SLCO1A2: variants seen among roughly 807,000 people sequenced by gnomAD.
SLCO1A2 encodes OATP-1.
Under a neutral mutation model 69.0 loss-of-function variants are expected in SLCO1A2, and 67 were observed. That is an observed-to-expected ratio of 0.97 (90% CI 0.80 to 1.19). SLCO1A2 has a LOEUF of 1.19. Among genes scored for constraint, SLCO1A2 ranks in the 50% most tolerant of loss-of-function variants. The pLI, the probability that SLCO1A2 is intolerant of heterozygous loss-of-function variation, is 0.00. For synonymous variants in SLCO1A2, 260 were observed against 265.9 expected (o/e 0.98, Z 0.22); for missense variants, 787 against 793.7 (o/e 0.99, Z 0.10).
At chr12:21,400,698 TA>T (rs1235551619) in intron 1 of SLCO1A2, among the ~76,000 whole-genome samples, 7 of 147,614 alleles carry the variant, frequency 4.7e-5, no homozygotes, top group African/African-American at 1.7e-4. Context: ...TATGCAGCCA[TA>T]AAAAATGATG....
At chr12:21,414,423 TGA>T (rs1272125303) in intron 1 of SLCO1A2, among the ~76,000 whole-genome samples, 2 of 152,146 alleles carry the variant, frequency 1.3e-5, no homozygotes, top group Non-Finnish European at 2.9e-5. Flanking sequence ...CCTTAACCTG[TGA>T]GTTATTTACT....
chr12:21,295,381 A>C, intron 10 of SLCO1A2: 1 of 479,334 alleles, frequency 2.1e-6, no homozygotes. Flanking sequence ...TACAATCATA[A>C]ATTCACTCAC....
In SLCO1A2 at chr12:21,413,237, C is replaced by CTTTTTTTTTTTTTTTT. The variant is rs3983534; in HGVS notation, c.-312+4629_-312+4644dup. On this transcript the variant is annotated intron_variant, in intron 1 of 4. Transcript: ENST00000413682. The stretch of plus-strand genomic sequence containing the variant: ...ACTTTCTTCTTTTCTTTTTCTTTTT[C>CTTTTTTTTTTTTTTTT]TTTTTTTTTTTTTTTTTTTGAGAAG... Among the ~76,000 whole-genome samples, 367 of 99,410 alleles carry CTTTTTTTTTTTTTTTT rather than the reference C, an allele frequency of 3.7e-3. 6 individuals carry two copies. The highest frequency in any genetic ancestry group is 8.5e-3 in the Middle Eastern group (1 of 118). The allele number at this position is 99,410 out of a possible 152,430, so 65.2% of individuals were successfully genotyped here.
upstream of SLCO1A2, among the ~76,000 whole-genome samples, chr12:21,399,964 T>G (rs371971865): frequency 5.4e-3 from 824 of 151,916 alleles, 5 homozygotes; most frequent in African/African-American, 0.019. Context: ...ACATAGGCAT[T>G]GGCAAGGACT....
chr12:21,417,165 T>C (rs572839358), intron 1 of SLCO1A2, among the ~76,000 whole-genome samples: 2 of 151,434 alleles, frequency 1.3e-5, no homozygotes, highest in South Asian at 2.1e-4. Context: ...CAAAGAAAAC[T>C]AAGCAAAGAA....
At chr12:21,408,713 CGT>C (rs3060712) in intron 1 of SLCO1A2, among the ~76,000 whole-genome samples, 5,559 of 150,032 alleles carry the variant, frequency 0.037, 182 homozygotes, top group East Asian at 0.12. Context: ...TCAGCGCATG[CGT>C]GTGTGTGTGT....
rs766468429 is a variant in SLCO1A2 at position 21,304,480 on chromosome 12, C to A, written c.536G>T (p.Gly179Val). ...GMGETPILPL[G>V]ISYIEDFAKF... ...GGCAAAATCTTCTATATAGGAAATA[C>A]CCAAAGGCAGGATGGGAGTTTCACC... Residue 179 changes from glycine (G) to valine (V), a missense_variant, in exon 6 of 15, where the codon GGT (glycine) becomes GTT (valine). By Grantham distance (109) the Gly-to-Val change is moderately radical. Coordinates refer to ENST00000683939, the MANE Select transcript of SLCO1A2 (RefSeq NM_001386879.1). 10 of 1,612,796 alleles carry A rather than the reference C, an allele frequency of 6.2e-6. No homozygotes were observed. In the South Asian group the frequency reaches 9.9e-5, roughly 16 times the overall value.
chr12:21,313,387 T>C (rs1052555489), intron 4 of SLCO1A2, among the ~76,000 whole-genome samples: 3 of 152,120 alleles, frequency 2.0e-5, no homozygotes, highest in Non-Finnish European at 2.9e-5. Flanking sequence ...TATGCCAGGA[T>C]TCAAAACTAA....
chr12:21,313,993 AAC>A (rs1491548155), intron 4 of SLCO1A2, among the ~76,000 whole-genome samples: 1 of 151,136 alleles, frequency 6.6e-6, no homozygotes, highest in African/African-American at 2.4e-5. Context: ...AAAAAAAAAA[AAC>A]AGAAAAAAAA....
chr12:21,309,793 G>A (rs1949878788), intron 4 of SLCO1A2, among the ~76,000 whole-genome samples: 1 of 152,126 alleles, frequency 6.6e-6, no homozygotes, highest in African/African-American at 2.4e-5. Context: ...AATTCTCAAG[G>A]ATAATAATGA....
chr12:21,288,524 C>T (rs1474797092), intron 12 of SLCO1A2, among the ~76,000 whole-genome samples: 1 of 151,802 alleles, frequency 6.6e-6, no homozygotes, highest in East Asian at 1.9e-4. Context: ...AAAGGGTAGC[C>T]TGGGTGTGGT....
In SLCO1A2 at chr12:21,274,613, T is replaced by TATCA. The variant is rs11568556; in HGVS notation, c.1676-31_1676-28dup. 1.5e-4 allele frequency: 208 copies of TATCA among 1,376,442 alleles called. 2 individuals carry two copies. In the African/African-American group the frequency reaches 2.6e-3, roughly 17 times the overall value. The allele number at this position is 1,376,442 out of a possible 1,614,324, so 85.3% of individuals were successfully genotyped here. The stretch of plus-strand genomic sequence containing the variant: ...TACAATTGACAGGGAAAGAAAAATC[T>TATCA]ATCAACAAGAATTAAGATACTTGAT... On this transcript the variant is annotated intron_variant, in intron 13 of 14. Coordinates refer to ENST00000683939, the MANE Select transcript of SLCO1A2 (RefSeq NM_001386879.1).
intron 1 of SLCO1A2, among the ~76,000 whole-genome samples, chr12:21,377,493 C>G (rs1280157140): frequency 1.3e-5 from 2 of 152,134 alleles, no homozygotes; most frequent in East Asian, 3.8e-4. Context: ...AAATGTTGGG[C>G]AGCAGATCTC....
At chr12:21,314,153 T>C (rs1052545428) in intron 4 of SLCO1A2, among the ~76,000 whole-genome samples, 2 of 152,204 alleles carry the variant, frequency 1.3e-5, no homozygotes, top group East Asian at 1.9e-4. Flanking sequence ...ACATAGTTAC[T>C]TTGGTAAAAA....
intron 12 of SLCO1A2, among the ~76,000 whole-genome samples, chr12:21,279,311 G>A (rs1412323512): frequency 6.6e-6 from 1 of 152,174 alleles, no homozygotes; most frequent in African/African-American, 2.4e-5. Flanking sequence ...GATAATAGCA[G>A]AGAACTTCCC....
chr12:21,378,552 T>C (rs1940377727), intron 1 of SLCO1A2: 5 of 762,996 alleles, frequency 6.6e-6, no homozygotes, highest in Non-Finnish European at 1.1e-5. Context: ...CTAGGACATA[T>C]ACCTTCTCAA....
At chr12:21,390,171 C>T (rs1256641318) in intron 1 of SLCO1A2, among the ~76,000 whole-genome samples, 1 of 151,870 alleles carries the variant, frequency 6.6e-6, no homozygotes, top group Non-Finnish European at 1.5e-5. Context: ...GTTCACATTA[C>T]CAACTATTTA....
chr12:21,308,912 A>C (rs1029450355), intron 4 of SLCO1A2, among the ~76,000 whole-genome samples: 1 of 152,208 alleles, frequency 6.6e-6, no homozygotes, highest in Admixed American at 6.5e-5. Flanking sequence ...TATATGAGAG[A>C]AGTCTGTAAC....
chr12:21,335,319 T>G (rs2136963165), upstream of SLCO1A2, among the ~76,000 whole-genome samples: 1 of 152,000 alleles, frequency 6.6e-6, no homozygotes, highest in South Asian at 2.1e-4. Context: ...ATCCCACGAT[T>G]GCAAACTAAG....
Sources: allele counts gnomAD v4.1 joint callset (sites outside exome capture counted in the v4.1 genomes callset), GRCh38; gene constraint gnomAD v4.1.1; transcripts MANE v1.5; gene names NCBI Gene and HGNC (gene_info 2026-07-23, HGNC 2026-07-21).